The following LPP variants were observed in gnomAD, a reference collection of about 807,000 sequenced individuals.
The protein encoded by LPP is lipoma-preferred partner.
A neutral mutation model predicts 60.4 loss-of-function variants in LPP; 38 were observed. The observed-to-expected ratio is 0.63, with a 90% CI of 0.49 to 0.83. The LOEUF is 0.83. LPP is among the 40% of genes least tolerant of loss of function. The pLI is 0.00. For synonymous variants in LPP, 328 were observed against 290.8 expected (o/e 1.13, Z -1.30); for missense variants, 902 against 783.6 (o/e 1.15, Z -1.80).
intron 2 of LPP, among the ~76,000 whole-genome samples, chr3:188,261,735 C>A (rs1733699861): frequency 1.0e-5 from 1 of 99,994 alleles, no homozygotes; most frequent in African/African-American, 4.5e-5. Context: ...CAGTGAGACC[C>A]TGTCTCTCCA....
At chr3:188,382,071 A>T (rs1183329748) in intron 3 of LPP, among the ~76,000 whole-genome samples, 1 of 152,052 alleles carries the variant, frequency 6.6e-6, no homozygotes, top group African/African-American at 2.4e-5. Context: ...TACAGGCATA[A>T]GCCATCATGT....
chr3:188,632,777 T>C (rs1477657830), intron 7 of LPP, among the ~76,000 whole-genome samples: 2 of 152,206 alleles, frequency 1.3e-5, no homozygotes, highest in African/African-American at 2.4e-5. Context: ...TTCAGTTGTA[T>C]TTGGTAGTTC....
intron 2 of LPP, among the ~76,000 whole-genome samples, chr3:188,260,046 T>G (rs765837215): frequency 2.0e-5 from 3 of 151,984 alleles, no homozygotes; most frequent in Admixed American, 6.6e-5. Flanking sequence ...CTTATTTTAT[T>G]TATTTATTTA....
intron 7 of LPP, among the ~76,000 whole-genome samples, chr3:188,665,325 G>A (rs190045759): frequency 7.5e-4 from 114 of 152,018 alleles, no homozygotes; most frequent in Non-Finnish European, 1.5e-3. Flanking sequence ...TGGAATATTA[G>A]GAAAAAGGAA....
At chr3:188,417,214 AT>A (rs1402718514) in intron 4 of LPP, among the ~76,000 whole-genome samples, 1 of 152,028 alleles carries the variant, frequency 6.6e-6, no homozygotes, top group Non-Finnish European at 1.5e-5. Flanking sequence ...TTCAAACAGA[AT>A]AGATAAGTCT....
At chr3:188,806,114 TTC>T (rs1202093298) in intron 9 of LPP, among the ~76,000 whole-genome samples, 1 of 151,908 alleles carries the variant, frequency 6.6e-6, no homozygotes, top group Non-Finnish European at 1.5e-5. Flanking sequence ...ATTGTACAAG[TTC>T]TCTCTATTCT....
intron 2 of LPP, among the ~76,000 whole-genome samples, chr3:188,287,034 G>A (rs1386402352): frequency 5.9e-5 from 9 of 152,074 alleles, no homozygotes. Flanking sequence ...CCAAGTAGCT[G>A]GGATTACAGG....
At chr3:188,623,513 C>T (rs1846210850) in intron 7 of LPP, among the ~76,000 whole-genome samples, 1 of 152,088 alleles carries the variant, frequency 6.6e-6, no homozygotes, top group African/African-American at 2.4e-5. Context: ...CCGCCTTGGC[C>T]CCCCAAAGTC....
intron 7 of LPP, among the ~76,000 whole-genome samples, chr3:188,703,997 G>A (rs964633990): frequency 6.6e-6 from 1 of 152,106 alleles, no homozygotes; most frequent in Admixed American, 6.5e-5. Flanking sequence ...ACTGAAGACA[G>A]GAATTATCAA....
intron 3 of LPP, among the ~76,000 whole-genome samples, chr3:188,396,338 G>C (rs980812358): frequency 2.6e-5 from 4 of 152,100 alleles, no homozygotes; most frequent in African/African-American, 9.7e-5. Flanking sequence ...AATACAAACA[G>C]AATCATTAAA....
At chr3:188,498,315 A>G (rs1333505950) in intron 5 of LPP, among the ~76,000 whole-genome samples, 1 of 152,140 alleles carries the variant, frequency 6.6e-6, no homozygotes, top group East Asian at 1.9e-4. Flanking sequence ...TTCATCTTGC[A>G]AAACTGAACC....
chr3:188,490,244 A>G (rs1422451251), intron 5 of LPP, among the ~76,000 whole-genome samples: 1 of 152,220 alleles, frequency 6.6e-6, no homozygotes, highest in Admixed American at 6.5e-5. Flanking sequence ...GAGTAAGCAC[A>G]GAGTAACATG....
intron 6 of LPP, among the ~76,000 whole-genome samples, chr3:188,585,635 T>TG (rs1418229735): frequency 6.6e-6 from 1 of 152,224 alleles, no homozygotes; most frequent in East Asian, 1.9e-4. Flanking sequence ...GGGCTACAAA[T>TG]ACATGTTTTA....
At chr3:188,631,320 T>C (rs548813874) in intron 7 of LPP, among the ~76,000 whole-genome samples, 2 of 152,290 alleles carry the variant, frequency 1.3e-5, no homozygotes, top group East Asian at 1.9e-4. Context: ...ATTAGTATTG[T>C]TGTTTGAAAT....
intron 3 of LPP, among the ~76,000 whole-genome samples, chr3:188,386,564 GA>G (rs1778366113): frequency 6.6e-6 from 1 of 152,172 alleles, no homozygotes; most frequent in Non-Finnish European, 1.5e-5. Context: ...ACTGCAGTGA[GA>G]AAAGTCAAGG....
intron 6 of LPP, among the ~76,000 whole-genome samples, chr3:188,574,885 TTC>T (rs985347708): frequency 2.0e-5 from 3 of 152,154 alleles, no homozygotes; most frequent in Non-Finnish European, 4.4e-5. Context: ...CTCACTTTTT[TTC>T]TGTCTTTTTT....
At chr3:188,848,679 G>A (rs1010194173) in intron 9 of LPP, among the ~76,000 whole-genome samples, 2 of 152,184 alleles carry the variant, frequency 1.3e-5, no homozygotes, top group Non-Finnish European at 2.9e-5. Context: ...ATCAAAAAGT[G>A]TATTAAGGAT....
At chr3:188,682,554 C>T (rs1310087965) in intron 7 of LPP, among the ~76,000 whole-genome samples, 1 of 152,168 alleles carries the variant, frequency 6.6e-6, no homozygotes, top group African/African-American at 2.4e-5. Flanking sequence ...TTATGGTTAC[C>T]TTGGCAAGTG....
intron 6 of LPP, among the ~76,000 whole-genome samples, chr3:188,541,854 A>G (rs534564102): frequency 6.6e-6 from 1 of 152,086 alleles, no homozygotes; most frequent in South Asian, 2.1e-4. Context: ...CCGAGATTGC[A>G]CCCCTGCACT....
Sources: allele counts gnomAD v4.1 joint callset (sites outside exome capture counted in the v4.1 genomes callset), GRCh38; gene constraint gnomAD v4.1.1; transcripts MANE v1.5; gene names NCBI Gene and HGNC (gene_info 2026-07-23, HGNC 2026-07-21).